The following COL10A1 variants were observed in gnomAD, a reference collection of about 807,000 sequenced individuals.
The protein encoded by COL10A1 is collagen type X alpha 1 chain.
A neutral mutation model predicts 18.2 loss-of-function variants in COL10A1; 10 were observed. The observed-to-expected ratio is 0.55, with a 90% CI of 0.34 to 0.93. The LOEUF is 0.93. Ranked by LOEUF, COL10A1 falls within the 40% of genes least tolerant of loss-of-function variation. The pLI, the probability that COL10A1 is intolerant of heterozygous loss-of-function variation, is 0.02. For synonymous variants in COL10A1, 330 were observed against 316.6 expected (o/e 1.04, Z -0.45); for missense variants, 897 against 853.5 (o/e 1.05, Z -0.64).
the COL10A1 span, among the ~76,000 whole-genome samples, chr6:116,210,864 A>G: frequency 6.6e-6 from 1 of 152,048 alleles, no homozygotes; most frequent in Non-Finnish European, 1.5e-5. Context: ...AACAGAAAAT[A>G]TACTGGCAGG....
intron 1 of COL10A1, among the ~76,000 whole-genome samples, chr6:116,147,963 C>T (rs1211203315): frequency 4.0e-5 from 6 of 148,428 alleles, no homozygotes; most frequent in Non-Finnish European, 8.9e-5. Context: ...TCCAGCCTGG[C>T]GACAGAGCGA....
chr6:116,211,097 G>A, the COL10A1 span, among the ~76,000 whole-genome samples: 1 of 152,002 alleles, frequency 6.6e-6, no homozygotes, highest in Non-Finnish European at 1.5e-5. Flanking sequence ...TGCTCTGGGG[G>A]AAACCCACCG....
Position 116,119,901 on chromosome 6 carries a change from C to T in COL10A1, c.*172G>A, listed in dbSNP as rs113069215. 7.7e-6 allele frequency: 5 copies of T among 647,286 alleles called. No homozygotes were observed. The highest frequency in any genetic ancestry group is 5.5e-5 in the African/African-American group (3 of 55,016). The allele number at this position is 647,286 out of a possible 1,614,324, so 40.1% of individuals were successfully genotyped here. ...AAGAGAGGCTTCACATACGTTTTTACGTTGCTGCTCACTTTTCAGGGGGAA... is the reference window on the plus strand; with the variant it reads ...AAGAGAGGCTTCACATACGTTTTTATGTTGCTGCTCACTTTTCAGGGGGAA... On this transcript the variant is annotated 3_prime_UTR_variant, in exon 3 of 3. Coordinates refer to ENST00000651968, the MANE Select transcript of COL10A1 (RefSeq NM_000493.4).
upstream of COL10A1, among the ~76,000 whole-genome samples, chr6:116,160,371 T>A (rs117771745): frequency 9.6e-3 from 1,458 of 152,346 alleles, 12 homozygotes; most frequent in Non-Finnish European, 0.016. Context: ...TGATTAGTGA[T>A]GTTGAGCATT....
chr6:116,145,515 G>A (rs2114379594), intron 1 of COL10A1: 1 of 325,108 alleles, frequency 3.1e-6, no homozygotes, highest in Non-Finnish European at 7.1e-6. Context: ...AGTGGGTCCT[G>A]TATTATTTCA....
chr6:116,179,365 T>G, the COL10A1 span, among the ~76,000 whole-genome samples: 2 of 152,062 alleles, frequency 1.3e-5, no homozygotes, highest in Non-Finnish European at 2.9e-5. Context: ...GAATTGGGGT[T>G]TTAGCATTCA....
At chr6:116,182,673 T>C in the COL10A1 span, among the ~76,000 whole-genome samples, 64 of 152,202 alleles carry the variant, frequency 4.2e-4, 1 homozygote, top group East Asian at 0.011. Context: ...TGTTGTCCAT[T>C]TGTATATCTT....
intron 1 of COL10A1, among the ~76,000 whole-genome samples, chr6:116,157,197 T>C (rs937897431): frequency 4.6e-5 from 7 of 152,216 alleles, no homozygotes; most frequent in African/African-American, 1.7e-4. Flanking sequence ...CTCTACCTCA[T>C]GTTTTCATTA....
the COL10A1 span, among the ~76,000 whole-genome samples, chr6:116,191,533 A>G: frequency 6.6e-6 from 1 of 152,088 alleles, no homozygotes; most frequent in African/African-American, 2.4e-5. Context: ...GTCTAACTCA[A>G]AAAAGCTTTT....
At chr6:116,145,476 A>G (rs1188961217) in intron 1 of COL10A1, 11 of 380,386 alleles carry the variant, frequency 2.9e-5, no homozygotes, top group Admixed American at 2.7e-4. Flanking sequence ...GGATATATCT[A>G]CAAGTTTCAT....
chr6:116,169,006 T>TAATAAAC, the COL10A1 span, among the ~76,000 whole-genome samples: 1 of 151,434 alleles, frequency 6.6e-6, no homozygotes, highest in Non-Finnish European at 1.5e-5. Flanking sequence ...CCCTGGAGAG[T>TAATAAAC]TTATTAGCCT....
chr6:116,208,991 G>T, the COL10A1 span, among the ~76,000 whole-genome samples: 62 of 152,072 alleles, frequency 4.1e-4, no homozygotes, highest in African/African-American at 1.4e-3. Flanking sequence ...TCATTAGTTT[G>T]ATCACAAATC....
intron 1 of COL10A1, among the ~76,000 whole-genome samples, chr6:116,156,392 G>T (rs1297786416): frequency 6.6e-6 from 1 of 152,058 alleles, no homozygotes; most frequent in African/African-American, 2.4e-5. Flanking sequence ...TACTATGTAG[G>T]CACTTTGAGG....
chr6:116,119,283 A>C lies in COL10A1; in HGVS notation c.*790T>G, dbSNP rs190088189. The C allele has an allele frequency of 2.9e-3, 437 of 152,762 alleles. 3 individuals are homozygous for C. The highest frequency in any genetic ancestry group is 0.01 in the African/African-American group (425 of 41,588). The allele number at this position is 152,762 out of a possible 1,614,324, so 9.5% of individuals were successfully genotyped here. ...AAATCATATCACATAAGATTCAATA[A>C]GGAATTAAAGAAATCAAATTAATCA... On this transcript the variant is annotated 3_prime_UTR_variant, in exon 3 of 3. Coordinates refer to ENST00000651968, the MANE Select transcript of COL10A1 (RefSeq NM_000493.4).
At chr6:116,171,985 G>A in the COL10A1 span, among the ~76,000 whole-genome samples, 1 of 152,248 alleles carries the variant, frequency 6.6e-6, no homozygotes, top group South Asian at 2.1e-4. Flanking sequence ...TATGACAGCC[G>A]CCACATCTTA....
At chr6:116,146,632 T>A (rs1219349415) in intron 1 of COL10A1, among the ~76,000 whole-genome samples, 1 of 152,232 alleles carries the variant, frequency 6.6e-6, no homozygotes, top group East Asian at 1.9e-4. Context: ...ATCTGTATCT[T>A]ACAGTTTCCT....
chr6:116,163,141 A>AATATATATATATATATATAT (rs1554197063), upstream of COL10A1, among the ~76,000 whole-genome samples: 52 of 88,366 alleles, frequency 5.9e-4, 1 homozygote, highest in African/African-American at 2.6e-3. Context: ...AAAAAAAAAA[A>AATATATATATATATATATAT]ATATATATAT....
intron 1 of COL10A1, among the ~76,000 whole-genome samples, chr6:116,143,772 A>G (rs928994835): frequency 7.2e-5 from 11 of 152,216 alleles, no homozygotes; most frequent in African/African-American, 2.7e-4. Context: ...TTCAGTCAAC[A>G]AAATTAGCTA....
At chr6:116,174,913 C>A in the COL10A1 span, among the ~76,000 whole-genome samples, 2 of 152,122 alleles carry the variant, frequency 1.3e-5, no homozygotes, top group Non-Finnish European at 2.9e-5. Flanking sequence ...ATTAAAGATA[C>A]ATCTAAAAAG....
Sources: allele counts gnomAD v4.1 joint callset (sites outside exome capture counted in the v4.1 genomes callset), GRCh38; gene constraint gnomAD v4.1.1; transcripts MANE v1.5; gene names NCBI Gene and HGNC (gene_info 2026-07-23, HGNC 2026-07-21).